Variants in SPINK5 observed in about 807,000 individuals in gnomAD.
The protein encoded by SPINK5 is serine peptidase inhibitor Kazal type 5.
Under a neutral mutation model 151.8 loss-of-function variants are expected in SPINK5, and 125 were observed. The ratio of observed to expected loss-of-function variants is 0.82; its 90% confidence interval spans 0.71 to 0.96. SPINK5 has a LOEUF of 0.96. Among genes scored for constraint, SPINK5 ranks in the 40% least tolerant of loss-of-function variants. The pLI is 0.00. For missense variants in SPINK5, 1,194 were observed against 1,291.9 expected, an observed-to-expected ratio of 0.92 and a Z score of 1.16; for synonymous variants, 374 against 395.3, an observed-to-expected ratio of 0.95 and a Z score of 0.64.
At chr5:148,065,400 A>C (rs777197617) in intron 2 of SPINK5, 28 bp downstream of exon 2, 14 of 1,612,966 alleles carry the variant, frequency 8.7e-6, no homozygotes, top group Non-Finnish European at 1.2e-5. Flanking sequence ...TGTTCATTGA[A>C]TTCATTCCAA....
intron 2 of SPINK5, among the ~76,000 whole-genome samples, chr5:148,069,082 T>C (rs747794679): frequency 6.6e-5 from 10 of 152,074 alleles, no homozygotes; most frequent in South Asian, 2.1e-4. Context: ...GCCTGGGCGA[T>C]AGAGCAAGAC....
chr5:148,113,564 A>G (rs1289050655), intron 20 of SPINK5, among the ~76,000 whole-genome samples: 2 of 152,114 alleles, frequency 1.3e-5, no homozygotes, highest in African/African-American at 4.8e-5. Context: ...AGCATCCCCA[A>G]ATAATATTTT....
At chr5:148,103,717 G>A (rs913510834) in intron 15 of SPINK5, among the ~76,000 whole-genome samples, 4 of 152,038 alleles carry the variant, frequency 2.6e-5, no homozygotes, top group Non-Finnish European at 5.9e-5. Context: ...GTTAACAAAG[G>A]TGATTGATTT....
chr5:148,115,845 G>A (rs899537521), intron 21 of SPINK5, among the ~76,000 whole-genome samples: 18 of 133,884 alleles, frequency 1.3e-4, no homozygotes, highest in Non-Finnish European at 2.1e-4. Context: ...TTTTTCTTAT[G>A]GAGTCCCACT....
Position 148,137,277 on chromosome 5 carries a change from A to C in SPINK5, c.*286A>C. 2.0e-6 allele frequency: 1 copy of C among 506,502 alleles called. No individual in the cohort carries two copies. The highest frequency in any genetic ancestry group is 3.5e-6 in the Non-Finnish European group (1 of 283,648). 31.4% of individuals were successfully genotyped at this position (506,502 alleles called of 1,614,324 possible). A position where few individuals can be genotyped will look rare whatever the true frequency, so the allele number is the denominator to read the frequency against. ...CTGCCTGTTCAATAAAAGTAAACTC[A>C]GCAGAACACCCTTTCTGGGATTTCT... On this transcript the variant is annotated 3_prime_UTR_variant, in exon 33 of 33. Coordinates refer to ENST00000256084, the MANE Select transcript of SPINK5 (RefSeq NM_006846.4).
intron 31 of SPINK5, 148 bp downstream of exon 31, chr5:148,131,537 A>G (rs1754573836): frequency 8.8e-7 from 1 of 1,141,484 alleles, no homozygotes; most frequent in African/African-American, 1.6e-5. Flanking sequence ...TTTGTGAATT[A>G]TCTTTCTTAT....
chr5:148,111,325 C>T (rs1327888532), intron 18 of SPINK5, among the ~76,000 whole-genome samples: 1 of 152,004 alleles, frequency 6.6e-6, no homozygotes, highest in African/African-American at 2.4e-5. Flanking sequence ...ACACTGAGCC[C>T]ATTATGGCAA....
chr5:148,133,985 C>A, intron 32 of SPINK5, 98 bp downstream of exon 32: 2 of 1,291,956 alleles, frequency 1.5e-6, no homozygotes, highest in Non-Finnish European at 1.1e-6. Flanking sequence ...TTTATCTGGC[C>A]AGAGAGGTGA....
At position 148,125,832 on chromosome 5, in the gene SPINK5, A is replaced by G. The variant is rs188030639; in HGVS notation, c.2849A>G (p.Tyr950Cys). 1.5e-5 allele frequency: 24 copies of G among 1,614,222 alleles called. No homozygotes were observed. In the East Asian group the frequency reaches 5.3e-4, roughly 36 times the overall value. ...GGAAAGTTCTATACAAACAAGTGCT[A>G]CATGTGCAGAGCTGTCTTGTGAGTA... ...ADGKFYTNKC[Y>C]MCRAVFLTEA... Residue 950 changes from tyrosine (Y) to cysteine (C), a missense_variant, in exon 29 of 33, where the codon TAC becomes TGC. Transcript: ENST00000256084.
In SPINK5 at chr5:148,131,279, C is replaced by G; in HGVS notation, c.2985C>G (p.Asp995Glu). ...FSSLDSEMCK[D>E]YRVLPRIGYL... The stretch of plus-strand genomic sequence containing the variant: ...TTCAGGATTCTGAGATGTGCAAAGA[C>G]TACCGAGTATTGCCCAGGATAGGTT... The change falls in exon 31 of 33, where the codon GAC becomes GAG. Residue 995 changes from aspartate to glutamate, a missense_variant. Coordinates refer to ENST00000256084, the MANE Select transcript of SPINK5 (RefSeq NM_006846.4). 1 of 1,613,848 alleles carries G rather than the reference C, an allele frequency of 6.2e-7. No homozygotes were observed. Among genetic ancestry groups the G allele is most frequent in the Non-Finnish European group, 8.5e-7 (1 of 1,179,764 alleles).
rs371910861 is a variant in SPINK5, at chr5:148,120,564, A to C, written c.2538+173A>C. Among the ~76,000 whole-genome samples, 39 of 152,318 alleles carry C rather than the reference A, an allele frequency of 2.6e-4. No individual in the cohort carries two copies. The South Asian group carries it at 7.9e-3, about 31-fold the overall frequency. On this transcript the variant is annotated intron_variant, in intron 26 of 32. Transcript: ENST00000256084. ...TAAATAGCATGCTCTTCAGTTCCCC[A>C]GGAGTGACTCTGATGCAATTGTAGA...
chr5:148,080,420 A>G (rs879523241), intron 4 of SPINK5, among the ~76,000 whole-genome samples: 4 of 151,308 alleles, frequency 2.6e-5, no homozygotes, highest in Non-Finnish European at 4.4e-5. Context: ...AAATATTGAG[A>G]CATTTAACAG....
At chr5:148,071,964 C>T (rs1458812578) in intron 3 of SPINK5, among the ~76,000 whole-genome samples, 184 bp from the exon 4 acceptor site, 6 of 151,946 alleles carry the variant, frequency 3.9e-5, no homozygotes, top group African/African-American at 9.7e-5. Context: ...ATACCATGTT[C>T]GAGATATTTT....
intron 2 of SPINK5, among the ~76,000 whole-genome samples, chr5:148,067,997 T>A (rs933017207): frequency 1.3e-5 from 2 of 152,156 alleles, no homozygotes; most frequent in African/African-American, 2.4e-5. Flanking sequence ...ATACTTTCTA[T>A]AAGACTTACT....
chr5:148,077,371 C>T (rs1314238127), intron 4 of SPINK5, among the ~76,000 whole-genome samples: 1 of 150,932 alleles, frequency 6.6e-6, no homozygotes, highest in Admixed American at 6.6e-5. Context: ...TCTATATTCT[C>T]AAAAGCTATC....
intron 26 of SPINK5, among the ~76,000 whole-genome samples, chr5:148,122,287 G>C (rs1754290712): frequency 6.6e-6 from 1 of 152,160 alleles, no homozygotes; most frequent in Non-Finnish European, 1.5e-5. Flanking sequence ...AATACTTCCA[G>C]TAATTTGTGA....
intron 17 of SPINK5, among the ~76,000 whole-genome samples, chr5:148,107,943 T>C (rs1351236255): frequency 6.6e-6 from 1 of 152,192 alleles, no homozygotes; most frequent in Non-Finnish European, 1.5e-5. Context: ...CCTGCTGAGG[T>C]GCAAAGTTAA....
chr5:148,110,192 A>G (rs1753888773), intron 18 of SPINK5, among the ~76,000 whole-genome samples: 2 of 152,320 alleles, frequency 1.3e-5, no homozygotes, highest in South Asian at 4.1e-4. Flanking sequence ...AAGTCCCAAG[A>G]AACTTATTAA....
At chr5:148,091,427 A>G (rs576804556) in intron 8 of SPINK5, among the ~76,000 whole-genome samples, 199 bp downstream of exon 8, 1 of 151,860 alleles carries the variant, frequency 6.6e-6, no homozygotes, top group Admixed American at 6.6e-5. Flanking sequence ...TTTCCTACCT[A>G]AGGCCCAAAA....
Sources: gnomAD v4.1 joint callset for allele counts (sites outside exome capture counted in the v4.1 genomes callset) on GRCh38, gnomAD v4.1.1 for gene constraint, MANE v1.5 for transcripts, NCBI Gene and HGNC (gene_info 2026-07-23, HGNC 2026-07-21) for gene names.